CAMTA1: variants seen among roughly 807,000 people sequenced by gnomAD.
CAMTA1 encodes calmodulin-binding transcription activator 1.
CAMTA1 carries 27 observed loss-of-function variants against 170.9 expected under a neutral mutation model. The ratio of observed to expected loss-of-function variants is 0.16; its 90% CI spans 0.12 to 0.22. CAMTA1 has a LOEUF of 0.22. Among genes scored for constraint, CAMTA1 ranks in the 10% least tolerant of loss-of-function variants. CAMTA1 has a pLI of 1.00. For missense variants in CAMTA1, 1,619 were observed against 2,217.2 expected (o/e 0.73, Z 5.42); for synonymous variants, 833 against 891.5 (o/e 0.93, Z 1.17).
intron 6 of CAMTA1, among the ~76,000 whole-genome samples, chr1:7,559,713 G>A (rs1165652698): frequency 6.6e-6 from 1 of 152,236 alleles, no homozygotes; most frequent in Non-Finnish European, 1.5e-5. Context: ...GGGGTCCAGA[G>A]CTGAGCCCCA....
intron 3 of CAMTA1, among the ~76,000 whole-genome samples, chr1:7,090,447 G>C (rs1389212492): frequency 6.6e-6 from 1 of 152,202 alleles, no homozygotes; most frequent in Admixed American, 6.5e-5. Flanking sequence ...CCAAGATCAA[G>C]GGAGACATGT....
intron 4 of CAMTA1, among the ~76,000 whole-genome samples, chr1:7,214,231 T>G (rs1468900210): frequency 1.3e-5 from 2 of 152,220 alleles, no homozygotes; most frequent in Non-Finnish European, 2.9e-5. Context: ...ACCAACAGTG[T>G]AAAAGTGTTC....
At chr1:7,405,666 C>T (rs2090233254) in intron 5 of CAMTA1, among the ~76,000 whole-genome samples, 1 of 152,222 alleles carries the variant, frequency 6.6e-6, no homozygotes, top group Admixed American at 6.5e-5. Flanking sequence ...GTCACCATAC[C>T]CGGCCTGCAA....
At chr1:7,743,394 A>G (rs1433484086) in intron 16 of CAMTA1, among the ~76,000 whole-genome samples, 1 of 152,102 alleles carries the variant, frequency 6.6e-6, no homozygotes, top group Non-Finnish European at 1.5e-5. Flanking sequence ...GGCTTCTAGT[A>G]AACATATACA....
intron 6 of CAMTA1, among the ~76,000 whole-genome samples, chr1:7,510,664 C>A (rs775209770): frequency 6.8e-6 from 1 of 146,154 alleles, no homozygotes; most frequent in African/African-American, 2.5e-5. Context: ...ATTCTTGGGG[C>A]GAGAATGTGT....
intron 5 of CAMTA1, among the ~76,000 whole-genome samples, chr1:7,354,473 A>C: frequency 6.6e-6 from 1 of 152,130 alleles, no homozygotes; most frequent in East Asian, 1.9e-4. Context: ...TATCCAATCC[A>C]GTGTTCATGG....
At chr1:7,275,710 A>T (rs1341601265) in intron 5 of CAMTA1, among the ~76,000 whole-genome samples, 1 of 152,172 alleles carries the variant, frequency 6.6e-6, no homozygotes, top group Non-Finnish European at 1.5e-5. Context: ...CTTAAAACTG[A>T]CACAAAATGG....
chr1:7,502,280 G>A (rs2094018756), intron 6 of CAMTA1, among the ~76,000 whole-genome samples: 6 of 152,240 alleles, frequency 3.9e-5, no homozygotes, highest in Admixed American at 3.9e-4. Flanking sequence ...CAGAGAAGCG[G>A]CTTTGGAGGA....
chr1:7,068,709 A>G (rs1317739703), intron 3 of CAMTA1, among the ~76,000 whole-genome samples: 1 of 152,026 alleles, frequency 6.6e-6, no homozygotes, highest in African/African-American at 2.4e-5. Context: ...CCAGCTCCCA[A>G]TTAGCCTGCC....
chr1:7,214,708 CTTTTA>C (rs1221206618), intron 4 of CAMTA1, among the ~76,000 whole-genome samples: 1 of 152,088 alleles, frequency 6.6e-6, no homozygotes, highest in Non-Finnish European at 1.5e-5. Context: ...CCCATTTTTC[CTTTTA>C]TATGTTGTGC....
chr1:6,911,837 C>T (rs750905968), intron 3 of CAMTA1, among the ~76,000 whole-genome samples: 4 of 152,216 alleles, frequency 2.6e-5, no homozygotes, highest in Non-Finnish European at 5.9e-5. Context: ...CTCTGTTCCG[C>T]GAGCCCTGCA....
intron 4 of CAMTA1, among the ~76,000 whole-genome samples, chr1:7,102,056 A>ACC (rs1339781621): frequency 8.0e-6 from 1 of 124,840 alleles, no homozygotes; most frequent in East Asian, 2.4e-4. Flanking sequence ...ACACACACAC[A>ACC]CACACACACA....
At chr1:7,257,772 C>T (rs1667637104) in intron 5 of CAMTA1, among the ~76,000 whole-genome samples, 1 of 152,068 alleles carries the variant, frequency 6.6e-6, no homozygotes, top group Non-Finnish European at 1.5e-5. Flanking sequence ...TTGTGGAACT[C>T]ACAGTTTGCT....
intron 5 of CAMTA1, among the ~76,000 whole-genome samples, chr1:7,320,167 C>A (rs1001710311): frequency 3.9e-5 from 6 of 152,190 alleles, no homozygotes; most frequent in African/African-American, 1.4e-4. Flanking sequence ...TGATTGTAGG[C>A]ATTCTTGTCT....
intron 3 of CAMTA1, among the ~76,000 whole-genome samples, chr1:6,837,543 C>T (rs1200742491): frequency 2.0e-5 from 3 of 152,120 alleles, no homozygotes; most frequent in African/African-American, 7.2e-5. Flanking sequence ...AGAAAGGGTA[C>T]ATTAAAATAG....
intron 1 of CAMTA1, among the ~76,000 whole-genome samples, chr1:6,799,630 G>A (rs931384043): frequency 2.0e-5 from 3 of 152,212 alleles, no homozygotes; most frequent in Non-Finnish European, 4.4e-5. Flanking sequence ...GGGGATTCAT[G>A]TGTTGGGTAA....
chr1:7,250,938 G>A (rs1353822751), intron 5 of CAMTA1, among the ~76,000 whole-genome samples: 2 of 152,188 alleles, frequency 1.3e-5, no homozygotes, highest in Non-Finnish European at 2.9e-5. Flanking sequence ...TCGTACAAAG[G>A]CATTAGCCAT....
chr1:7,482,750 G>A lies in CAMTA1; in HGVS notation c.510+14849G>A, dbSNP rs375385875. On this transcript the variant is annotated intron_variant, in intron 6 of 22. Coordinates refer to ENST00000303635, the MANE Select transcript of CAMTA1 (RefSeq NM_015215.4). The surrounding 1 kb of genome is among the most constrained non-coding windows in gnomAD (Gnocchi z 4.2). ...GAGACCAAGTTCTCAGAAAAACACT[G>A]TCGGTTCCAAAGAAATGAGCTCCCA... Among the ~76,000 whole-genome samples the A allele has an allele frequency of 2.0e-4, 30 of 152,326 alleles. No individual in the cohort carries two copies. In the South Asian group the frequency reaches 5.8e-3, roughly 29 times the overall value.
chr1:7,733,717 G>A (rs756065641), intron 12 of CAMTA1, among the ~76,000 whole-genome samples: 1 of 152,050 alleles, frequency 6.6e-6, no homozygotes, highest in Non-Finnish European at 1.5e-5. Flanking sequence ...CAAGACAAAT[G>A]ATGATTTCCT....
Sources: gnomAD v4.1 joint callset for allele counts (sites outside exome capture counted in the v4.1 genomes callset) on GRCh38, gnomAD v4.1.1 for gene constraint, Gnocchi (gnomAD v3.1) non-coding constraint, MANE v1.5 for transcripts, NCBI Gene and HGNC (gene_info 2026-07-23, HGNC 2026-07-21) for gene names.